The following RIC1 variants were observed in gnomAD, a reference collection of about 807,000 sequenced individuals.
RIC1 encodes the protein guanine nucleotide exchange factor subunit RIC1.
A neutral mutation model predicts 169.0 loss-of-function variants in RIC1; 88 were observed. That is an observed-to-expected ratio of 0.52 (90% CI 0.44 to 0.62). RIC1 has a LOEUF of 0.62. RIC1 is among the 20% of genes least tolerant of loss of function. The pLI, the probability that RIC1 is intolerant of heterozygous loss-of-function variation, is 0.00. For missense variants in RIC1, 1,877 were observed against 1,725.5 expected (o/e 1.09, Z -1.56); for synonymous variants, 790 against 601.5 (o/e 1.31, Z -4.59).
At chr9:5,694,279 C>T (rs1483943000) in intron 3 of RIC1, among the ~76,000 whole-genome samples, 1 of 152,206 alleles carries the variant, frequency 6.6e-6, no homozygotes, top group Non-Finnish European at 1.5e-5. Flanking sequence ...TAGTTACAGA[C>T]TCATGAAAGT....
chr9:5,763,984 G>T lies in RIC1; in HGVS notation c.2841+116G>T. ...TAAGGAATTCATAGTCAAATTTTCT[G>T]TTTATATCTTTAATTTGGAAGAATT... On this transcript the variant is annotated intron_variant, in intron 19 of 25. Coordinates refer to ENST00000414202, the MANE Select transcript of RIC1 (RefSeq NM_020829.4). The surrounding 1 kb of genome is among the most constrained non-coding windows in gnomAD (Gnocchi z 5.2). 8.7e-7 allele frequency: 1 copy of T among 1,154,116 alleles called. No homozygotes were observed. The highest frequency in any genetic ancestry group is 1.6e-5 in the South Asian group (1 of 61,780). 71.5% of individuals were successfully genotyped at this position (1,154,116 alleles called of 1,614,324 possible). A position where few individuals can be genotyped will look rare whatever the true frequency, so the allele number is the denominator to read the frequency against.
chr9:5,696,913 G>T lies in RIC1; in HGVS notation c.332+6875G>T, dbSNP rs901053482. Among the ~76,000 whole-genome samples the T allele has an allele frequency of 4.4e-4, 67 of 152,142 alleles. 1 individual carries two copies. The highest frequency in any genetic ancestry group is 4.4e-4 in the Non-Finnish European group (30 of 68,014). ...TTTGAGGCTTTTTGTATGTCTTTTA[G>T]GATGGATTTAACTGTTAAGCTAGCT... is the stretch of plus-strand genomic sequence containing the variant. On this transcript the variant is annotated intron_variant, in intron 3 of 25. Transcript: ENST00000414202.
chr9:5,712,529 A>G (rs1348125947), intron 3 of RIC1, among the ~76,000 whole-genome samples: 2 of 152,234 alleles, frequency 1.3e-5, no homozygotes, highest in African/African-American at 4.8e-5. Context: ...TGGGCAAAGG[A>G]TATGAACAGA....
downstream of RIC1, among the ~76,000 whole-genome samples, chr9:5,778,157 T>A (rs777934461): frequency 6.6e-6 from 1 of 152,244 alleles, no homozygotes; most frequent in Non-Finnish European, 1.5e-5. Flanking sequence ...CTAAGTCTCA[T>A]ACTTTTGTTA....
At chr9:5,742,832 C>T (rs759957938) in intron 8 of RIC1, 37 bp from the exon 9 acceptor site, 5 of 1,429,428 alleles carry the variant, frequency 3.5e-6, no homozygotes, top group Admixed American at 4.1e-5. Flanking sequence ...TCTGAAGCAA[C>T]TATTTATTTT....
At chr9:5,684,330 C>T (rs1330731018) in intron 2 of RIC1, among the ~76,000 whole-genome samples, 1 of 126,172 alleles carries the variant, frequency 7.9e-6, no homozygotes, top group Non-Finnish European at 1.6e-5. Flanking sequence ...ACAGAAATGT[C>T]TGCTGGGAGT....
intron 1 of RIC1, among the ~76,000 whole-genome samples, chr9:5,655,460 C>T (rs954300697): frequency 3.3e-5 from 5 of 152,054 alleles, no homozygotes; most frequent in East Asian, 1.9e-4. Flanking sequence ...GCCACCACAC[C>T]GGGCTAATTT....
chr9:5,654,293 C>G (rs1818962132), intron 1 of RIC1, among the ~76,000 whole-genome samples: 1 of 152,142 alleles, frequency 6.6e-6, no homozygotes, highest in East Asian at 1.9e-4. Context: ...GCTACCCAGG[C>G]TGGAGTGCAA....
intron 2 of RIC1, among the ~76,000 whole-genome samples, chr9:5,678,192 G>T (rs961602842): frequency 2.0e-5 from 3 of 152,014 alleles, no homozygotes; most frequent in African/African-American, 7.3e-5. Context: ...CTTTTTTATG[G>T]CTGCATAGTA....
At position 5,629,339 on chromosome 9, in the gene RIC1, G is replaced by A; in HGVS notation, c.30G>A (p.Arg10=). The A allele has an allele frequency of 1.3e-6, 2 of 1,530,982 alleles. No homozygotes were observed. The highest frequency in any genetic ancestry group is 1.7e-6 in the Non-Finnish European group (2 of 1,145,022). 94.8% of individuals were successfully genotyped at this position (1,530,982 alleles called of 1,614,324 possible). ...ATTTTCTGAGCGGCTGGCCCAAGAG[G>A]CTGCTGTGCCCTCTGGGGAGCCCGG... The part of the protein sequence containing the change: MYFLSGWPK[R]LLCPLGSPAE... The change falls in exon 1 of 26, where the codon AGG becomes AGA. Residue 10 remains arginine, a synonymous_variant. Coordinates refer to ENST00000414202, the MANE Select transcript of RIC1 (RefSeq NM_020829.4).
chr9:5,697,749 G>T (rs1821989565), intron 3 of RIC1, among the ~76,000 whole-genome samples: 1 of 152,140 alleles, frequency 6.6e-6, no homozygotes, highest in South Asian at 2.1e-4. Flanking sequence ...TCTAGATCAA[G>T]CCTTGCACAT....
chr9:5,661,120 A>T (rs1419720886), intron 2 of RIC1, among the ~76,000 whole-genome samples: 6 of 152,070 alleles, frequency 3.9e-5, no homozygotes, highest in Non-Finnish European at 8.8e-5. Context: ...TGTGTTTGTC[A>T]GGTTTGCTAA....
rs373943767 is a variant in RIC1, at chr9:5,724,144, T to C, written c.720+3394T>C. 7.9e-5 allele frequency among the ~76,000 whole-genome samples: 12 copies of C among 152,326 alleles called. No homozygotes were observed. In the East Asian group the frequency reaches 1.7e-3, roughly 22 times the overall value. On this transcript the variant is annotated intron_variant, in intron 6 of 25. Coordinates refer to ENST00000414202, the MANE Select transcript of RIC1 (RefSeq NM_020829.4). ...GATGGCATTGAATCTATAAATGACC[T>C]TGGGCAGTATGGCCATTTTCACAAT... is the stretch of plus-strand genomic sequence containing the variant.
rs118096183 is a variant in RIC1, at chr9:5,772,424, G to A, written c.3617-140G>A. 0.038 allele frequency: 23,874 copies of A among 635,560 alleles called. 587 individuals carry two copies. The highest frequency in any genetic ancestry group is 0.047 in the Non-Finnish European group (18,081 of 384,392). The allele number at this position is 635,560 out of a possible 1,614,324, so 39.4% of individuals were successfully genotyped here. A position where few individuals can be genotyped will look rare whatever the true frequency, so the allele number is the denominator to read the frequency against. On this transcript the variant is annotated intron_variant, in intron 23 of 25. Transcript: ENST00000414202. ...CTTTAAATGTTTTCTATGTTCACAT[G>A]GTAATTTTAGCCATGGATTTCATGT...
At chr9:5,641,599 G>T (rs1323856652) in intron 1 of RIC1, among the ~76,000 whole-genome samples, 2 of 151,716 alleles carry the variant, frequency 1.3e-5, no homozygotes, top group African/African-American at 4.8e-5. Context: ...ATGCTTCACT[G>T]TTTTCTATTC....
intron 2 of RIC1, among the ~76,000 whole-genome samples, chr9:5,658,395 TAA>T (rs971086118): frequency 6.6e-5 from 10 of 152,018 alleles, no homozygotes; most frequent in African/African-American, 2.4e-4. Context: ...TTCACAAAAA[TAA>T]AATATGAAAA....
chr9:5,763,653 C>T lies in RIC1; in HGVS notation c.2626C>T (p.Arg876Trp), dbSNP rs769071095. 5.6e-6 allele frequency: 9 copies of T among 1,614,032 alleles called. No homozygotes were observed. The highest frequency in any genetic ancestry group is 4.5e-5 in the East Asian group (2 of 44,892). ...AGTACTGGAAGAAGAAGCTACCTCA[C>T]GGGAGCCCATTCCCGACCCTCTGCT... ...HEVLEEEATS[R>W]EPIPDPLLPT... The change falls in exon 19 of 26, where the codon CGG (arginine) becomes TGG (tryptophan). Residue 876 changes from arginine to tryptophan, a missense_variant. Physicochemically the swap from Arg to Trp is moderately radical, Grantham distance 101 (BLOSUM62 -3). This residue lies in a region of RIC1 where 92 missense variants were observed against 151.5 expected (regional missense o/e 0.61). Transcript: ENST00000414202. The surrounding 1 kb of genome is among the most constrained non-coding windows in gnomAD (Gnocchi z 5.2).
chr9:5,769,591 T>A, intron 22 of RIC1: 1 of 625,016 alleles, frequency 1.6e-6, no homozygotes, highest in Non-Finnish European at 2.5e-6. Context: ...GACATGGACC[T>A]CAAAGTAAGC....
chr9:5,733,612 T>TG (rs1824509158), intron 7 of RIC1, among the ~76,000 whole-genome samples: 1 of 152,094 alleles, frequency 6.6e-6, no homozygotes, highest in Non-Finnish European at 1.5e-5. Flanking sequence ...TTCATTACAC[T>TG]CTTAATAAAC....
Sources: allele counts gnomAD v4.1 joint callset (sites outside exome capture counted in the v4.1 genomes callset), GRCh38; gene constraint gnomAD v4.1.1; regional missense constraint gnomAD v4.1.1; non-coding constraint Gnocchi (gnomAD v3.1); transcripts MANE v1.5; gene names NCBI Gene and HGNC (gene_info 2026-07-23, HGNC 2026-07-21).